The following CD96 variants were observed in gnomAD, a reference collection of about 807,000 sequenced individuals.
CD96 encodes the protein CD96 molecule, also known as T-cell surface protein tactile.
A neutral mutation model predicts 71.3 loss-of-function variants in CD96; 70 were observed. The ratio of observed to expected loss-of-function variants is 0.98; its 90% CI spans 0.81 to 1.20. The LOEUF (loss-of-function observed/expected upper bound fraction) is 1.20. Ranked by LOEUF, CD96 falls within the 50% of genes most tolerant of loss-of-function variation. The probability of loss-of-function intolerance (pLI) is 0.00; values close to 1 mark genes in which losing one functional copy is unlikely to be tolerated. For missense variants in CD96, 742 were observed against 677.5 expected (o/e 1.10, Z -1.06); for synonymous variants, 248 against 233.0 (o/e 1.06, Z -0.59).
At chr3:111,624,570 G>T (rs539425065) in intron 10 of CD96, among the ~76,000 whole-genome samples, 166 bp downstream of exon 10, 1 of 152,150 alleles carries the variant, frequency 6.6e-6, no homozygotes, top group Non-Finnish European at 1.5e-5. Context: ...TACACCCATG[G>T]ACAAAAGAGA....
At chr3:111,577,446 G>A in intron 3 of CD96, 2 of 1,212,212 alleles carry the variant, frequency 1.6e-6, no homozygotes, top group Non-Finnish European at 2.5e-6. Context: ...TCCTCTGGGG[G>A]ATCCTATCTC....
intron 2 of CD96, among the ~76,000 whole-genome samples, chr3:111,548,053 TC>T (rs1346499592): frequency 6.6e-6 from 1 of 152,234 alleles, no homozygotes; most frequent in Non-Finnish European, 1.5e-5. Context: ...TGTACAGTTT[TC>T]TTCTTATGCC....
intron 8 of CD96, 118 bp from the exon 9 acceptor site, chr3:111,623,636 C>T: frequency 2.8e-6 from 2 of 708,858 alleles, no homozygotes; most frequent in Non-Finnish European, 5.2e-6. Context: ...TAAAATGAGG[C>T]TGTTCACTAA....
chr3:111,631,730 C>T (rs1418941716), intron 10 of CD96, among the ~76,000 whole-genome samples: 1 of 152,116 alleles, frequency 6.6e-6, no homozygotes, highest in East Asian at 1.9e-4. Context: ...TCAAACTATA[C>T]TGCAGGGCTA....
At chr3:111,611,166 C>T (rs906562018) in intron 8 of CD96, among the ~76,000 whole-genome samples, 6 of 152,108 alleles carry the variant, frequency 3.9e-5, no homozygotes, top group African/African-American at 1.4e-4. Context: ...TTAGCTGGTC[C>T]TCACTATCTG....
intron 8 of CD96, among the ~76,000 whole-genome samples, chr3:111,615,278 T>C (rs1474622666): frequency 1.3e-5 from 2 of 152,086 alleles, no homozygotes; most frequent in Non-Finnish European, 2.9e-5. Context: ...AATAGTGTGA[T>C]GGATGGAAGA....
intron 2 of CD96, among the ~76,000 whole-genome samples, chr3:111,555,471 G>A (rs1934950328): frequency 6.6e-6 from 1 of 152,278 alleles, no homozygotes; most frequent in African/African-American, 2.4e-5. Context: ...AATTTCAATG[G>A]ATATAGAATT....
intron 4 of CD96, among the ~76,000 whole-genome samples, chr3:111,583,944 G>A (rs113524867): frequency 0.071 from 10,786 of 152,180 alleles, 419 homozygotes; most frequent in South Asian, 0.097. Flanking sequence ...TGCAAATTTC[G>A]GCAGCCAGCT....
intron 3 of CD96, chr3:111,577,535 T>C: frequency 1.2e-6 from 2 of 1,603,450 alleles, no homozygotes; most frequent in Non-Finnish European, 1.7e-6. Context: ...GGTCCTTCTT[T>C]CTAAGGGTAT....
At chr3:111,574,813 C>T (rs891647370) in intron 3 of CD96, among the ~76,000 whole-genome samples, 1 of 150,054 alleles carries the variant, frequency 6.7e-6, no homozygotes, top group East Asian at 1.9e-4. Flanking sequence ...GGCAGTGTCT[C>T]ACTTTGCTGC....
Position 111,650,966 on chromosome 3 carries a change from A to G in CD96, c.*1160A>G, listed in dbSNP as rs1172036480. ...ATTCTGTGTGGACTTTAGTCCCAAA[A>G]GGAAACTTTAGTTCACTTGCAGTAT... On this transcript the variant is annotated 3_prime_UTR_variant, in exon 14 of 14. Transcript: ENST00000352690. 1.3e-5 allele frequency: 2 copies of G among 152,250 alleles called. No homozygotes were observed. The highest frequency in any genetic ancestry group is 1.3e-4 in the Admixed American group (2 of 15,286). 9.4% of individuals were successfully genotyped at this position (152,250 alleles called of 1,614,324 possible).
intron 8 of CD96, among the ~76,000 whole-genome samples, chr3:111,619,820 G>A (rs950430203): frequency 6.6e-6 from 1 of 152,172 alleles, no homozygotes; most frequent in Non-Finnish European, 1.5e-5. Context: ...TTCTAAGAAG[G>A]GATTTTTTAA....
In CD96 at chr3:111,650,028, C is replaced by G. The variant is rs1940007831; in HGVS notation, c.*222C>G. On this transcript the variant is annotated 3_prime_UTR_variant, in exon 14 of 14. Transcript: ENST00000352690. The stretch of plus-strand genomic sequence containing the variant: ...GGATATGTCATGTTCACACTCAATG[C>G]AATTCGTAGTGGTTTTCTTGCTTAT... The G allele has an allele frequency of 1.8e-6, 1 of 553,016 alleles. No individual in the cohort carries two copies. The highest frequency in any genetic ancestry group is 3.3e-6 in the Non-Finnish European group (1 of 304,918). 34.3% of individuals were successfully genotyped at this position (553,016 alleles called of 1,614,324 possible).
chr3:111,663,775 G>A (rs1263282787), intron 14 of CD96, among the ~76,000 whole-genome samples: 1 of 148,480 alleles, frequency 6.7e-6, no homozygotes, highest in Non-Finnish European at 1.5e-5. Context: ...TTGAGATGGA[G>A]TCTCGCTCTG....
In CD96 at chr3:111,664,644, G is replaced by A. The variant is rs116340363; in HGVS notation, c.*53-883G>A. ...TCATGCAACTTGTACATGTACCCCT[G>A]TATCTAAAATAAAAGTTGAAATTTT... On this transcript the variant is annotated intron_variant and NMD_transcript_variant, in intron 14 of 14. Transcript: ENST00000494798. Among the ~76,000 whole-genome samples the A allele has an allele frequency of 7.4e-3, 1,132 of 152,058 alleles. 16 individuals carry two copies. The highest frequency in any genetic ancestry group is 0.026 in the African/African-American group (1,088 of 41,450).
rs1047329957 is a variant in CD96, at chr3:111,651,118, G to A, written c.*1312G>A. On this transcript the variant is annotated 3_prime_UTR_variant, in exon 14 of 14. Transcript: ENST00000352690. ...CAGAATGTCTGAGGAGTGAGACACA[G>A]GCATCAACACTCTCAAATGATTCAC... 1 of 152,152 alleles carries A rather than the reference G, an allele frequency of 6.6e-6. No individual in the cohort carries two copies. Among genetic ancestry groups the A allele is most frequent in the Non-Finnish European group, 1.5e-5 (1 of 68,018 alleles). The allele number at this position is 152,152 out of a possible 1,614,324, so 9.4% of individuals were successfully genotyped here.
At chr3:111,646,495 AT>A (rs1939832562) in intron 12 of CD96, among the ~76,000 whole-genome samples, 1 of 151,978 alleles carries the variant, frequency 6.6e-6, no homozygotes, top group South Asian at 2.1e-4. Context: ...TAAAACCACG[AT>A]AAGATACCAT....
chr3:111,585,708 G>C (rs1265470104), intron 5 of CD96, among the ~76,000 whole-genome samples: 1 of 152,114 alleles, frequency 6.6e-6, no homozygotes, highest in Non-Finnish European at 1.5e-5. Flanking sequence ...TGTGAGCCCT[G>C]GTGTAAGAAG....
chr3:111,555,758 GTTAAAGTTC>G (rs1934976780), intron 2 of CD96, among the ~76,000 whole-genome samples: 1 of 152,092 alleles, frequency 6.6e-6, no homozygotes, highest in Admixed American at 6.6e-5. Flanking sequence ...TTCAGGTTTT[GTTAAAGTTC>G]TTGGATGTGT....
Sources: gnomAD v4.1 joint callset for allele counts (sites outside exome capture counted in the v4.1 genomes callset) on GRCh38, gnomAD v4.1.1 for gene constraint, MANE v1.5 for transcripts, NCBI Gene and HGNC (gene_info 2026-07-23, HGNC 2026-07-21) for gene names.